The following PRKN variants were observed in gnomAD, a reference collection of about 807,000 sequenced individuals.
PRKN encodes E3 ubiquitin-protein ligase parkin.
Under a neutral mutation model 59.5 loss-of-function variants are expected in PRKN, and 56 were observed. The ratio of observed to expected loss-of-function variants is 0.94; its 90% CI spans 0.76 to 1.18. The LOEUF (loss-of-function observed/expected upper bound fraction) is 1.18, where lower values mean the gene tolerates loss of function less well. Among genes scored for constraint, PRKN ranks in the 50% most tolerant of loss-of-function variants. PRKN has a pLI of 0.00. For synonymous variants in PRKN, 250 were observed against 222.1 expected (o/e 1.13, Z -1.12); for missense variants, 657 against 596.4 (o/e 1.10, Z -1.06).
intron 1 of PRKN, among the ~76,000 whole-genome samples, chr6:162,632,835 G>A (rs1777554672): frequency 6.6e-6 from 1 of 151,898 alleles, no homozygotes; most frequent in South Asian, 2.1e-4. Context: ...AAATGTAATT[G>A]GTAATTCTAA....
At chr6:162,506,673 T>C (rs1013412493) in intron 1 of PRKN, among the ~76,000 whole-genome samples, 5 of 151,992 alleles carry the variant, frequency 3.3e-5, no homozygotes, top group African/African-American at 1.2e-4. Flanking sequence ...TTGGGAAAGA[T>C]GAGGAATTCT....
intron 1 of PRKN, among the ~76,000 whole-genome samples, chr6:162,662,185 A>G (rs1040385028): frequency 6.6e-6 from 1 of 152,086 alleles, no homozygotes; most frequent in African/African-American, 2.4e-5. Flanking sequence ...TTCTTACAGA[A>G]ATCTCCAAAA....
chr6:161,408,844 T>C (rs144571251), intron 9 of PRKN, among the ~76,000 whole-genome samples: 4 of 152,314 alleles, frequency 2.6e-5, no homozygotes, highest in African/African-American at 9.6e-5. Context: ...AAATCTTATC[T>C]AAAATGAGGT....
intron 1 of PRKN, among the ~76,000 whole-genome samples, chr6:162,613,832 C>T (rs1304697501): frequency 6.6e-6 from 1 of 151,824 alleles, no homozygotes; most frequent in Non-Finnish European, 1.5e-5. Flanking sequence ...AATAAAAACA[C>T]CATATAACTA....
At chr6:162,170,304 G>C (rs548898912) in intron 4 of PRKN, among the ~76,000 whole-genome samples, 3 of 152,066 alleles carry the variant, frequency 2.0e-5, no homozygotes, top group Non-Finnish European at 2.9e-5. Context: ...TGTACAAATG[G>C]GATTGCTCCG....
chr6:161,798,071 C>T lies in PRKN; in HGVS notation c.735-12163G>A, dbSNP rs564242907. ...AAAAAATTAATCGGGCGTGGTGGCACGCACCTGTAGTCCCAGCTACTTGGG... is the reference window on the plus strand; with the variant it reads ...AAAAAATTAATCGGGCGTGGTGGCATGCACCTGTAGTCCCAGCTACTTGGG... On this transcript the variant is annotated intron_variant, in intron 6 of 11. Coordinates refer to ENST00000366898, the MANE Select transcript of PRKN (RefSeq NM_004562.3). 4.6e-5 allele frequency among the ~76,000 whole-genome samples: 7 copies of T among 152,148 alleles called. No individual in the cohort carries two copies. The East Asian group carries it at 9.7e-4, about 21-fold the overall frequency.
chr6:162,323,335 C>G (rs1783114482), intron 2 of PRKN, among the ~76,000 whole-genome samples: 1 of 151,616 alleles, frequency 6.6e-6, no homozygotes. Flanking sequence ...TCTTTATAAT[C>G]TTTGCTTAGA....
At chr6:162,599,082 T>C (rs1165435207) in intron 1 of PRKN, among the ~76,000 whole-genome samples, 1 of 152,138 alleles carries the variant, frequency 6.6e-6, no homozygotes, top group African/African-American at 2.4e-5. Flanking sequence ...TAAAAATCTT[T>C]TCCAGTTTCC....
At chr6:162,283,498 T>A (rs1781019128) in intron 2 of PRKN, among the ~76,000 whole-genome samples, 1 of 152,196 alleles carries the variant, frequency 6.6e-6, no homozygotes, top group Non-Finnish European at 1.5e-5. Flanking sequence ...TTTTTGTAAC[T>A]ATCTCAATGA....
At chr6:161,508,212 T>C (rs1031732244) in intron 9 of PRKN, among the ~76,000 whole-genome samples, 9 of 152,208 alleles carry the variant, frequency 5.9e-5, no homozygotes, top group Non-Finnish European at 1.3e-4. Flanking sequence ...TGTGTCCTTG[T>C]ACTTTAGTTT....
At chr6:162,478,577 C>T (rs1182129316) in intron 1 of PRKN, among the ~76,000 whole-genome samples, 2 of 152,106 alleles carry the variant, frequency 1.3e-5, no homozygotes, top group East Asian at 1.9e-4. Flanking sequence ...AGTAACCAAC[C>T]GTGAAACCAA....
rs1365922954 is a variant in PRKN, at chr6:161,502,458, C to T, written c.1083+46396G>A. 6.6e-6 allele frequency among the ~76,000 whole-genome samples: 1 copy of T among 152,152 alleles called. No individual in the cohort carries two copies. Among genetic ancestry groups the T allele is most frequent in the Non-Finnish European group, 1.5e-5 (1 of 68,026 alleles). ...GGGAAATTAGCAAGGTTTCCCAGCA[C>T]CCCAAGCTACTTGCCTTCCCACCCC... On this transcript the variant is annotated intron_variant, in intron 9 of 11. Coordinates refer to ENST00000366898, the MANE Select transcript of PRKN (RefSeq NM_004562.3). The surrounding 1 kb of genome is among the most constrained non-coding windows in gnomAD (Gnocchi z 4.0).
At chr6:161,508,870 G>C (rs1158104956) in intron 9 of PRKN, among the ~76,000 whole-genome samples, 1 of 150,450 alleles carries the variant, frequency 6.6e-6, no homozygotes, top group Non-Finnish European at 1.5e-5. Context: ...TGGAGATGGA[G>C]TTTCACTCTT....
chr6:162,488,801 G>A (rs541006865), intron 1 of PRKN, among the ~76,000 whole-genome samples: 1 of 152,268 alleles, frequency 6.6e-6, no homozygotes, highest in Non-Finnish European at 1.5e-5. Flanking sequence ...CCAGGCTCTT[G>A]GGCATTAGGA....
intron 3 of PRKN, among the ~76,000 whole-genome samples, chr6:162,205,118 C>T (rs995135821): frequency 2.0e-5 from 3 of 152,084 alleles, no homozygotes; most frequent in African/African-American, 7.2e-5. Context: ...ACCTCAGCCT[C>T]TCAAAGTGCT....
In PRKN at chr6:162,056,532, T is replaced by C. The variant is rs115971710; in HGVS notation, c.535-2358A>G. Among the ~76,000 whole-genome samples, 1,858 of 152,226 alleles carry C rather than the reference T, an allele frequency of 0.012. 35 individuals are homozygous for C. Among genetic ancestry groups the C allele is most frequent in the African/African-American group, 0.043 (1,793 of 41,546 alleles). The stretch of plus-strand genomic sequence containing the variant: ...GCATCTGGGATCCACCGATCATTAA[T>C]CCAAAGGCCACCGCTTAATATGGAG... On this transcript the variant is annotated intron_variant, in intron 4 of 11. Coordinates refer to ENST00000366898, the MANE Select transcript of PRKN (RefSeq NM_004562.3). This position sits in a 1 kb window ranked among gnomAD's most constrained non-coding sequence, Gnocchi z 4.9.
At chr6:161,973,054 C>T (rs993476022) in intron 6 of PRKN, among the ~76,000 whole-genome samples, 3 of 152,138 alleles carry the variant, frequency 2.0e-5, no homozygotes, top group Admixed American at 2.0e-4. Context: ...TGCCATCTCC[C>T]ATCTTAGGAC....
intron 1 of PRKN, among the ~76,000 whole-genome samples, chr6:162,475,871 C>G (rs545557647): frequency 4.6e-5 from 7 of 152,236 alleles, no homozygotes; most frequent in Admixed American, 4.6e-4. Flanking sequence ...CCTGCCTCAG[C>G]CTCCCAAGTA....
chr6:162,168,234 T>C (rs1015656342), intron 4 of PRKN, among the ~76,000 whole-genome samples: 1 of 152,122 alleles, frequency 6.6e-6, no homozygotes, highest in South Asian at 2.1e-4. Flanking sequence ...CATAAACCAC[T>C]AAGTTTTTCT....
Sources: gnomAD v4.1 joint callset for allele counts (sites outside exome capture counted in the v4.1 genomes callset) on GRCh38, gnomAD v4.1.1 for gene constraint, Gnocchi (gnomAD v3.1) non-coding constraint, MANE v1.5 for transcripts, NCBI Gene and HGNC (gene_info 2026-07-23, HGNC 2026-07-21) for gene names.